CORIN: variants seen among roughly 807,000 people sequenced by gnomAD.
The protein encoded by CORIN is atrial natriuretic peptide-converting enzyme.
CORIN carries 117 observed loss-of-function variants against 125.3 expected under a neutral mutation model. The observed-to-expected ratio is 0.93, with a 90% CI of 0.80 to 1.09. The LOEUF (loss-of-function observed/expected upper bound fraction) is 1.09, where lower values mean the gene tolerates loss of function less well. CORIN is among the 50% of genes least tolerant of loss of function. The pLI is 0.00. For synonymous variants in CORIN, 450 were observed against 466.4 expected, an observed-to-expected ratio of 0.96 and a Z score of 0.45; for missense variants, 1,253 against 1,306.7, an observed-to-expected ratio of 0.96 and a Z score of 0.63.
chr4:47,768,840 T>C (rs1212121461), intron 3 of CORIN, among the ~76,000 whole-genome samples: 1 of 152,150 alleles, frequency 6.6e-6, no homozygotes, highest in African/African-American at 2.4e-5. Flanking sequence ...ATAAAGGCCA[T>C]CTACGACAAA....
At chr4:47,649,838 G>A (rs531551533) in intron 13 of CORIN, among the ~76,000 whole-genome samples, 3 of 152,294 alleles carry the variant, frequency 2.0e-5, no homozygotes, top group Admixed American at 2.0e-4. Flanking sequence ...CCTCCTGAAA[G>A]CACATTTGTG....
chr4:47,808,814 A>G (rs1165945350), intron 1 of CORIN, among the ~76,000 whole-genome samples: 2 of 152,224 alleles, frequency 1.3e-5, no homozygotes, highest in African/African-American at 2.4e-5. Flanking sequence ...AAACAAGTTG[A>G]TACTTGTTTA....
chr4:47,693,222 C>A, intron 5 of CORIN, 139 bp from the exon 6 acceptor site: 1 of 636,316 alleles, frequency 1.6e-6, no homozygotes, highest in Non-Finnish European at 2.7e-6. Flanking sequence ...TTATTGTCAT[C>A]AATTTTTCTT....
intron 13 of CORIN, among the ~76,000 whole-genome samples, chr4:47,651,979 C>A (rs910329906): frequency 6.6e-6 from 1 of 152,096 alleles, no homozygotes; most frequent in Non-Finnish European, 1.5e-5. Flanking sequence ...TCTAGCCACC[C>A]CAACAAAGTA....
rs1732480936 is a variant in CORIN, at chr4:47,820,894, TA to T, written c.64-13848del. ...TAGATTGAGTCATACTTTTTATGAT[TA>T]AAAAATGCTATAGAAAGTACAGCAT... On this transcript the variant is annotated intron_variant, in intron 1 of 21. Coordinates refer to ENST00000273857, the MANE Select transcript of CORIN (RefSeq NM_006587.4). Among the ~76,000 whole-genome samples the T allele has an allele frequency of 5.9e-5, 9 of 152,284 alleles. No homozygotes were observed. The South Asian group carries it at 1.9e-3, about 32-fold the overall frequency.
chr4:47,777,625 C>T (rs181543793), intron 3 of CORIN, among the ~76,000 whole-genome samples: 2 of 152,110 alleles, frequency 1.3e-5, no homozygotes, highest in Admixed American at 1.3e-4. Context: ...AGCAAGACTC[C>T]GTCTCAAAAA....
At chr4:47,642,748 G>T in intron 15 of CORIN, 2 of 993,702 alleles carry the variant, frequency 2.0e-6, no homozygotes, top group Non-Finnish European at 2.8e-6. Flanking sequence ...TAGAAGTCTT[G>T]GACCTGAAGA....
intron 14 of CORIN, 25 bp downstream of exon 14, chr4:47,645,056 T>C: frequency 1.5e-6 from 2 of 1,358,660 alleles, no homozygotes; most frequent in South Asian, 1.2e-5. Flanking sequence ...AAATGCTCTG[T>C]TGACAAATTC....
At chr4:47,647,199 C>T (rs2351796) in intron 13 of CORIN, among the ~76,000 whole-genome samples, 95,483 of 151,830 alleles carry the variant, frequency 0.63, 31,094 homozygotes, top group African/African-American at 0.79. Flanking sequence ...GAGCCTGAAG[C>T]CTGTCCTCTG....
At chr4:47,792,480 A>T (rs1731122855) in intron 2 of CORIN, among the ~76,000 whole-genome samples, 2 of 152,246 alleles carry the variant, frequency 1.3e-5, no homozygotes, top group South Asian at 4.1e-4. Context: ...CCTATGGACA[A>T]AGGGAACATT....
At chr4:47,837,737 AC>A in intron 1 of CORIN, 149 bp downstream of exon 1, 1 of 792,118 alleles carries the variant, frequency 1.3e-6, no homozygotes, top group East Asian at 2.4e-5. Flanking sequence ...TGAGCGCGGA[AC>A]TGTCAGAGCG....
chr4:47,674,556 A>G, intron 9 of CORIN, 56 bp from the exon 10 acceptor site: 1 of 1,017,610 alleles, frequency 9.8e-7, no homozygotes, highest in Non-Finnish European at 1.6e-6. Flanking sequence ...TCCTTACCTA[A>G]GGATCTAAAA....
chr4:47,835,767 T>C (rs1194018938), intron 1 of CORIN, among the ~76,000 whole-genome samples: 2 of 152,236 alleles, frequency 1.3e-5, no homozygotes, highest in East Asian at 3.8e-4. Context: ...GCGGAAGCAC[T>C]GATGCCTGCC....
intron 1 of CORIN, among the ~76,000 whole-genome samples, chr4:47,819,679 A>C (rs980996737): frequency 2.0e-5 from 3 of 152,174 alleles, no homozygotes; most frequent in African/African-American, 7.2e-5. Flanking sequence ...AGGGTTTCAC[A>C]AGATCCTGAT....
chr4:47,661,946 G>A, intron 11 of CORIN, 90 bp from the exon 12 acceptor site: 1 of 1,287,940 alleles, frequency 7.8e-7, no homozygotes. Flanking sequence ...TTAATTCTGT[G>A]TATGTGGCAT....
chr4:47,714,279 C>G (rs1281676894), intron 5 of CORIN, among the ~76,000 whole-genome samples: 2 of 152,008 alleles, frequency 1.3e-5, no homozygotes, highest in Non-Finnish European at 2.9e-5. Flanking sequence ...CTATGTATGT[C>G]TAATATACTC....
At chr4:47,598,452 G>T in intron 21 of CORIN, among the ~76,000 whole-genome samples, 1 of 152,082 alleles carries the variant, frequency 6.6e-6, no homozygotes, top group East Asian at 1.9e-4. Flanking sequence ...GCAAGACCTG[G>T]TTCCTATTAG....
At chr4:47,693,734 TGC>T in intron 5 of CORIN, among the ~76,000 whole-genome samples, 1 of 152,240 alleles carries the variant, frequency 6.6e-6, no homozygotes, top group African/African-American at 2.4e-5. Flanking sequence ...TTTATATTTT[TGC>T]TTTTAATATT....
At chr4:47,661,968 G>A in intron 11 of CORIN, 112 bp from the exon 12 acceptor site, 1 of 1,050,622 alleles carries the variant, frequency 9.5e-7, no homozygotes, top group East Asian at 2.7e-5. Context: ...TATTGTGGGT[G>A]TGTGGATATA....
Sources: gnomAD v4.1 joint callset for allele counts (sites outside exome capture counted in the v4.1 genomes callset) on GRCh38, gnomAD v4.1.1 for gene constraint, MANE v1.5 for transcripts, NCBI Gene and HGNC (gene_info 2026-07-23, HGNC 2026-07-21) for gene names.